Variants in MAP3K7 observed in about 807,000 individuals in gnomAD.
The protein encoded by MAP3K7 is mitogen-activated protein kinase kinase kinase 7.
MAP3K7 carries 21 observed loss-of-function variants against 84.8 expected under a neutral mutation model. The ratio of observed to expected loss-of-function variants is 0.25; its 90% CI spans 0.18 to 0.36. MAP3K7 has a LOEUF of 0.36. Ranked by LOEUF, MAP3K7 falls within the 10% of genes least tolerant of loss-of-function variation. MAP3K7 has a pLI of 1.00. For synonymous variants in MAP3K7, 241 were observed against 247.7 expected (o/e 0.97, Z 0.25); for missense variants, 503 against 747.7 (o/e 0.67, Z 3.82).
intron 5 of MAP3K7, among the ~76,000 whole-genome samples, chr6:90,558,814 A>C (rs1776416883): frequency 6.6e-6 from 1 of 152,256 alleles, no homozygotes; most frequent in Admixed American, 6.5e-5. Flanking sequence ...CATTTATTCC[A>C]AAGCCAAAAC....
At chr6:90,532,724 A>G (rs940148968) in intron 13 of MAP3K7, among the ~76,000 whole-genome samples, 3 of 152,232 alleles carry the variant, frequency 2.0e-5, no homozygotes, top group African/African-American at 4.8e-5. Flanking sequence ...TGGCTCACCC[A>G]GGTGTATAAA....
intron 16 of MAP3K7, among the ~76,000 whole-genome samples, 199 bp downstream of exon 16, chr6:90,518,248 T>C (rs1346882538): frequency 6.6e-6 from 1 of 151,778 alleles, no homozygotes; most frequent in Non-Finnish European, 1.5e-5. Flanking sequence ...CACCAGTTTA[T>C]TTTCCATAGC....
chr6:90,535,374 A>G, intron 13 of MAP3K7, among the ~76,000 whole-genome samples: 1 of 151,892 alleles, frequency 6.6e-6, no homozygotes, highest in East Asian at 1.9e-4. Flanking sequence ...TAATATATAA[A>G]CGCTAAAATT....
At chr6:90,577,398 A>G (rs1200642078) in intron 1 of MAP3K7, among the ~76,000 whole-genome samples, 6 of 152,226 alleles carry the variant, frequency 3.9e-5, no homozygotes, top group Non-Finnish European at 7.3e-5. Context: ...GAGTGAGAGG[A>G]TCTATGGAGA....
intron 6 of MAP3K7, among the ~76,000 whole-genome samples, 173 bp from the exon 7 acceptor site, chr6:90,553,759 A>G (rs1478154818): frequency 6.6e-6 from 1 of 152,228 alleles, no homozygotes; most frequent in African/African-American, 2.4e-5. Context: ...GTACATTTTT[A>G]AATGAATTAA....
Position 90,568,606 on chromosome 6 carries a change from A to G in MAP3K7, c.249T>C (p.Arg83=), listed in dbSNP as rs544452786. The G allele has an allele frequency of 6.8e-6, 11 of 1,609,098 alleles. No individual in the cohort carries two copies. The African/African-American group carries it at 1.3e-4, about 20-fold the overall frequency. The change falls in exon 3 of 17, where the codon CGT becomes CGC. Residue 83 remains arginine (R), a synonymous_variant. Coordinates refer to ENST00000369329, the MANE Select transcript of MAP3K7 (RefSeq NM_145331.3). ...AFIVELRQLS[R]VNHPNIVKLY... is the part of the protein sequence containing the mutation. Reference sequence around the variant, plus strand: ...GCTTTACAATATTAGGATGGTTCACACGGGATAACTGCCGAAGCTGTTAAG... The same window carrying G: ...GCTTTACAATATTAGGATGGTTCACGCGGGATAACTGCCGAAGCTGTTAAG...
intron 12 of MAP3K7, among the ~76,000 whole-genome samples, chr6:90,538,006 G>A (rs562003797): frequency 6.6e-6 from 1 of 151,910 alleles, no homozygotes; most frequent in African/African-American, 2.4e-5. Flanking sequence ...CTTAAATTTA[G>A]GTGGAAGGAT....
intron 13 of MAP3K7, 36 bp downstream of exon 13, chr6:90,536,301 A>C: frequency 6.5e-7 from 1 of 1,542,454 alleles, no homozygotes; most frequent in Non-Finnish European, 9.0e-7. Flanking sequence ...TCTGCCTAGT[A>C]TTCTTCAAAG....
At chr6:90,568,796 C>T (rs542686670) in intron 2 of MAP3K7, among the ~76,000 whole-genome samples, 173 bp from the exon 3 acceptor site, 32 of 152,252 alleles carry the variant, frequency 2.1e-4, no homozygotes, top group Admixed American at 1.0e-3. Context: ...AAGTGACTGC[C>T]CAGAATGGCA....
intron 14 of MAP3K7, among the ~76,000 whole-genome samples, chr6:90,522,003 A>G (rs1037640213): frequency 6.6e-6 from 1 of 152,118 alleles, no homozygotes; most frequent in African/African-American, 2.4e-5. Context: ...TCTGTTCCCT[A>G]ATTTATTCTA....
chr6:90,520,457 G>A (rs767459877), intron 14 of MAP3K7, among the ~76,000 whole-genome samples: 1 of 151,572 alleles, frequency 6.6e-6, no homozygotes. Context: ...GCTAATTAGC[G>A]AAATCAGACC....
At chr6:90,526,832 T>C (rs1775337739) in intron 13 of MAP3K7, among the ~76,000 whole-genome samples, 1 of 152,060 alleles carries the variant, frequency 6.6e-6, no homozygotes, top group Non-Finnish European at 1.5e-5. Context: ...TAAGGATTTT[T>C]CCAATCTTAA....
chr6:90,545,942 C>G (rs1379752231), intron 11 of MAP3K7, among the ~76,000 whole-genome samples: 1 of 152,048 alleles, frequency 6.6e-6, no homozygotes, highest in African/African-American at 2.4e-5. Context: ...GTCTTCCTTC[C>G]TATTGCCTGG....
chr6:90,542,309 T>A, intron 12 of MAP3K7: 1 of 983,978 alleles, frequency 1.0e-6, no homozygotes, highest in South Asian at 4.7e-5. Context: ...CAGCTTGTAT[T>A]CTTCTATTAA....
chr6:90,577,306 C>G (rs1483685118), intron 1 of MAP3K7, among the ~76,000 whole-genome samples: 1 of 152,004 alleles, frequency 6.6e-6, no homozygotes, highest in Non-Finnish European at 1.5e-5. Flanking sequence ...TTTAATAACT[C>G]AGAGTTTGGT....
In MAP3K7 at chr6:90,560,194, A is replaced by G. The variant is rs762655816; in HGVS notation, c.364T>C (p.Leu122=). 3 of 1,614,228 alleles carry G rather than the reference A, an allele frequency of 1.9e-6. No individual in the cohort carries two copies. Among genetic ancestry groups the G allele is most frequent in the Admixed American group, 1.7e-5 (1 of 60,024 alleles). ...LYNVLHGAEP[L]PYYTAAHAMS... The stretch of plus-strand genomic sequence containing the variant: ...GCGTGGGCAGCAGTATAATATGGCA[A>G]TGGTTCAGCACCATGCAGCACTGCG... The change falls in exon 5 of 17, where the codon TTG becomes CTG. Residue 122 remains leucine, a synonymous_variant. Coordinates refer to ENST00000369329, the MANE Select transcript of MAP3K7 (RefSeq NM_145331.3).
intron 3 of MAP3K7, among the ~76,000 whole-genome samples, chr6:90,563,257 G>A (rs976035685): frequency 2.6e-5 from 4 of 152,016 alleles, no homozygotes; most frequent in Non-Finnish European, 4.4e-5. Flanking sequence ...TCAGACAATC[G>A]GTAATAACAA....
chr6:90,571,562 C>A, intron 2 of MAP3K7, 135 bp downstream of exon 2: 2 of 482,166 alleles, frequency 4.1e-6, no homozygotes, highest in Admixed American at 4.2e-5. Flanking sequence ...ATGGCAGTAC[C>A]TTTGATTAAA....
intron 13 of MAP3K7, among the ~76,000 whole-genome samples, chr6:90,532,205 C>G (rs1279518265): frequency 6.6e-6 from 1 of 152,168 alleles, no homozygotes; most frequent in African/African-American, 2.4e-5. Flanking sequence ...CAAATACTTT[C>G]CATGATCCTT....
Sources: gnomAD v4.1 joint callset for allele counts (sites outside exome capture counted in the v4.1 genomes callset) on GRCh38, gnomAD v4.1.1 for gene constraint, MANE v1.5 for transcripts, NCBI Gene and HGNC (gene_info 2026-07-23, HGNC 2026-07-21) for gene names.